Variants in DCAF10 observed in about 807,000 individuals in gnomAD.
DCAF10 encodes the protein DDB1- and CUL4-associated factor 10.
In DCAF10, 19 loss-of-function variants were observed where a neutral mutation model predicts 51.9. The ratio of observed to expected loss-of-function variants is 0.37; its 90% CI spans 0.26 to 0.54. The LOEUF (loss-of-function observed/expected upper bound fraction) is 0.54. Ranked by LOEUF, DCAF10 falls within the 20% of genes least tolerant of loss-of-function variation. The probability of loss-of-function intolerance (pLI) is 0.87; values close to 1 mark genes in which losing one functional copy is unlikely to be tolerated. For missense variants in DCAF10, 510 were observed against 730.6 expected, an observed-to-expected ratio of 0.70 and a Z score of 3.48; for synonymous variants, 291 against 297.1, an observed-to-expected ratio of 0.98 and a Z score of 0.21.
intron 3 of DCAF10, among the ~76,000 whole-genome samples, chr9:37,847,552 G>T (rs995634902): frequency 6.6e-6 from 1 of 152,106 alleles, no homozygotes; most frequent in African/African-American, 2.4e-5. Context: ...CAAAAGCTAA[G>T]AATCTTGCTT....
In DCAF10 at chr9:37,860,090, T is replaced by G. The variant is rs2118197598; in HGVS notation, c.1208T>G (p.Val403Gly). Residue 403 changes from valine (V) to glycine (G), a missense_variant, in exon 6 of 7, where the codon GTT becomes GGT. By Grantham distance (109) the Val-to-Gly change is moderately radical (BLOSUM62 -3). This residue lies in a region of DCAF10 where 104 missense variants were observed against 206.2 expected (regional missense o/e 0.50). Coordinates refer to ENST00000377724, the MANE Select transcript of DCAF10 (RefSeq NM_024345.5). ...RNSLEVVTPE[V>G]LGESDHGNCI... ...AGTCTTGAAGTCGTAACCCCTGAAG[T>G]TCTTGGTGAGAGTGACCACGGAAAC... 6.2e-7 allele frequency: 1 copy of G among 1,614,104 alleles called. No individual in the cohort carries two copies. The highest frequency in any genetic ancestry group is 1.1e-5 in the South Asian group (1 of 91,078).
chr9:37,839,534 T>G (rs934819115), intron 2 of DCAF10, among the ~76,000 whole-genome samples: 26 of 152,192 alleles, frequency 1.7e-4, no homozygotes, highest in Non-Finnish European at 3.8e-4. Context: ...GCTACCACGC[T>G]TGGCCAGGAA....
rs1462344265 is a variant in DCAF10 at position 37,807,653 on chromosome 9, CTTTTCT to C, written c.539+6253_539+6258del. Among the ~76,000 whole-genome samples, 8 of 111,822 alleles carry C rather than the reference CTTTTCT, an allele frequency of 7.2e-5. No homozygotes were observed. In the South Asian group the frequency reaches 1.5e-3, roughly 20 times the overall value. 73.4% of individuals were successfully genotyped at this position (111,822 alleles called of 152,430 possible). A position where few individuals can be genotyped will look rare whatever the true frequency, so the allele number is the denominator to read the frequency against. On this transcript the variant is annotated intron_variant, in intron 1 of 6. Coordinates refer to ENST00000377724, the MANE Select transcript of DCAF10 (RefSeq NM_024345.5). Reference sequence around the variant, plus strand: ...TTATATTACCACTGAATTTTCTTTTCTTTTCTTTTTTTTTTTTTTTTTTTTTGAGAC... The same window carrying C: ...TTATATTACCACTGAATTTTCTTTTCTTTTTTTTTTTTTTTTTTTTGAGAC...
At chr9:37,857,505 A>C (rs1050647083) in intron 5 of DCAF10, among the ~76,000 whole-genome samples, 154 bp downstream of exon 5, 1 of 152,204 alleles carries the variant, frequency 6.6e-6, no homozygotes, top group African/African-American at 2.4e-5. Flanking sequence ...ATCTTCAAAA[A>C]GCTAACCGAG....
In DCAF10 at chr9:37,848,951, C is replaced by T. The variant is rs564433338; in HGVS notation, c.852-5829C>T. ...TCACGCCACTGCTCTCCAGCCTGGG[C>T]GACACAGCGAGACTCTGTCTCAAAA... On this transcript the variant is annotated intron_variant, in intron 3 of 6. Coordinates refer to ENST00000377724, the MANE Select transcript of DCAF10 (RefSeq NM_024345.5). Among the ~76,000 whole-genome samples, 17 of 139,812 alleles carry T rather than the reference C, an allele frequency of 1.2e-4. No homozygotes were observed. In the East Asian group the frequency reaches 2.7e-3, roughly 22 times the overall value. 91.7% of individuals were successfully genotyped at this position (139,812 alleles called of 152,430 possible).
intron 2 of DCAF10, chr9:37,836,261 CG>C: frequency 1.3e-6 from 2 of 1,568,778 alleles, no homozygotes; most frequent in Non-Finnish European, 8.8e-7. Context: ...CAGATGTCTA[CG>C]TGGAATATAT....
At chr9:37,832,426 C>G (rs2055294225) in intron 2 of DCAF10, among the ~76,000 whole-genome samples, 2 of 151,952 alleles carry the variant, frequency 1.3e-5, no homozygotes. Flanking sequence ...CCATTGCATG[C>G]CAGCCTGGGC....
rs1293185244 is a variant in DCAF10 at position 37,867,083 on chromosome 9, CCATT to C, written c.*5578_*5581del. 2.0e-5 allele frequency: 3 copies of C among 152,006 alleles called. No individual in the cohort carries two copies. In the Middle Eastern group the frequency reaches 9.5e-3, roughly 481 times the overall value. 9.4% of individuals were successfully genotyped at this position (152,006 alleles called of 1,614,324 possible). ...CCAAATCATGTCCTAAGAATTTCTC[CCATT>C]CAAATGATAATGGAAATTACTGTCA... On this transcript the variant is annotated 3_prime_UTR_variant, in exon 7 of 7. Transcript: ENST00000377724.
At chr9:37,833,260 T>C (rs1830058040) in intron 2 of DCAF10, among the ~76,000 whole-genome samples, 1 of 152,256 alleles carries the variant, frequency 6.6e-6, no homozygotes, top group African/African-American at 2.4e-5. Context: ...ATTTAATTAT[T>C]CTTGTTCTGA....
intron 1 of DCAF10, among the ~76,000 whole-genome samples, chr9:37,815,162 T>C (rs1829488142): frequency 6.6e-6 from 1 of 152,192 alleles, no homozygotes; most frequent in South Asian, 2.1e-4. Flanking sequence ...GAAACAGAAC[T>C]TTCCTTAATC....
intron 2 of DCAF10, among the ~76,000 whole-genome samples, chr9:37,823,711 AAAAG>A: frequency 6.6e-6 from 1 of 152,258 alleles, no homozygotes; most frequent in Non-Finnish European, 1.5e-5. Flanking sequence ...GTCACACTAA[AAAAG>A]AAAAGAGGTA....
chr9:37,829,231 G>C lies in DCAF10; in HGVS notation c.653+9830G>C, dbSNP rs539416614. ...CTTTTGGGTGGATCACCTGAGGTAG[G>C]GAGTTCGAGACCAGCCTGACCAACA... On this transcript the variant is annotated intron_variant, in intron 2 of 6. Coordinates refer to ENST00000377724, the MANE Select transcript of DCAF10 (RefSeq NM_024345.5). The surrounding 1 kb of genome is among the most constrained non-coding windows in gnomAD (Gnocchi z 4.2). 7.5e-4 allele frequency among the ~76,000 whole-genome samples: 114 copies of C among 152,178 alleles called. No homozygotes were observed. Among genetic ancestry groups the C allele is most frequent in the African/African-American group, 2.4e-3 (101 of 41,524 alleles).
intron 1 of DCAF10, among the ~76,000 whole-genome samples, chr9:37,807,660 T>A (rs1324745582): frequency 1.3e-4 from 1 of 7,862 alleles, no homozygotes; most frequent in Admixed American, 1.7e-3. Flanking sequence ...TTTCTTTTCT[T>A]TTTTTTTTTT....
intron 3 of DCAF10, among the ~76,000 whole-genome samples, chr9:37,851,330 G>A (rs955211903): frequency 3.9e-5 from 6 of 151,998 alleles, no homozygotes; most frequent in African/African-American, 1.4e-4. Context: ...CCACAGGTGT[G>A]ACACTCTGCC....
chr9:37,867,111 CA>C lies in DCAF10; in HGVS notation c.*5607del, dbSNP rs1831152485. 6.6e-6 allele frequency: 1 copy of C among 151,996 alleles called. No individual in the cohort carries two copies. Among genetic ancestry groups the C allele is most frequent in the East Asian group, 1.9e-4 (1 of 5,194 alleles). The allele number at this position is 151,996 out of a possible 1,614,324, so 9.4% of individuals were successfully genotyped here. Reference sequence around the variant, plus strand: ...TTCAAATGATAATGGAAATTACTGTCAAAAGGAAAATCTCAAAGTTACCATT... The same window carrying C: ...TTCAAATGATAATGGAAATTACTGTCAAAGGAAAATCTCAAAGTTACCATT... On this transcript the variant is annotated 3_prime_UTR_variant, in exon 7 of 7. Coordinates refer to ENST00000377724, the MANE Select transcript of DCAF10 (RefSeq NM_024345.5).
At chr9:37,836,826 TTA>T (rs1830180554) in intron 2 of DCAF10, among the ~76,000 whole-genome samples, 1 of 152,188 alleles carries the variant, frequency 6.6e-6, no homozygotes, top group Non-Finnish European at 1.5e-5. Context: ...GATTGAGCAG[TTA>T]AAGTTTTTGC....
chr9:37,839,915 G>A (rs1830282602), intron 2 of DCAF10, among the ~76,000 whole-genome samples: 1 of 152,128 alleles, frequency 6.6e-6, no homozygotes, highest in Admixed American at 6.5e-5. Flanking sequence ...CATGTGTATT[G>A]TATACTGCAG....
chr9:37,809,866 G>A (rs999887262), intron 1 of DCAF10, among the ~76,000 whole-genome samples: 3 of 148,076 alleles, frequency 2.0e-5, no homozygotes, highest in Non-Finnish European at 4.5e-5. Flanking sequence ...GGGGGAGCGG[G>A]GCGGCCGTGC....
chr9:37,813,913 G>T (rs937310660), intron 1 of DCAF10, among the ~76,000 whole-genome samples: 2 of 151,534 alleles, frequency 1.3e-5, no homozygotes, highest in Admixed American at 6.6e-5. Context: ...GAAAATCTTA[G>T]ATCCTTAAAT....
Sources: gnomAD v4.1 joint callset for allele counts (sites outside exome capture counted in the v4.1 genomes callset) on GRCh38, gnomAD v4.1.1 for gene constraint, gnomAD v4.1.1 regional missense constraint, Gnocchi (gnomAD v3.1) non-coding constraint, MANE v1.5 for transcripts, NCBI Gene and HGNC (gene_info 2026-07-23, HGNC 2026-07-21) for gene names.